The following FAM227A variants were observed in gnomAD, a reference collection of about 807,000 sequenced individuals.
FAM227A encodes the protein family with sequence similarity 227 member A.
A neutral mutation model predicts 74.7 loss-of-function variants in FAM227A; 80 were observed. The observed-to-expected ratio is 1.07, with a 90% confidence interval of 0.89 to 1.29. FAM227A has a LOEUF of 1.29. Among genes scored for constraint, FAM227A ranks in the 50% most tolerant of loss-of-function variants. The probability of loss-of-function intolerance (pLI) is 0.00; values close to 1 mark genes in which losing one functional copy is unlikely to be tolerated. For synonymous variants in FAM227A, 237 were observed against 241.8 expected (o/e 0.98, Z 0.19); for missense variants, 654 against 683.4 (o/e 0.96, Z 0.48).
intron 11 of FAM227A, among the ~76,000 whole-genome samples, chr22:38,617,080 T>G (rs1271581117): frequency 6.6e-6 from 1 of 151,614 alleles, no homozygotes; most frequent in Non-Finnish European, 1.5e-5. Context: ...GTTTCGAAGG[T>G]GGGAGAATCT....
At chr22:38,616,941 G>A (rs993851158) in intron 11 of FAM227A, among the ~76,000 whole-genome samples, 1 of 152,074 alleles carries the variant, frequency 6.6e-6, no homozygotes, top group African/African-American at 2.4e-5. Context: ...GTGCAGAGGG[G>A]GGCAGGCTGT....
intron 1 of FAM227A, among the ~76,000 whole-genome samples, chr22:38,652,385 G>A (rs1417194556): frequency 6.6e-6 from 1 of 151,754 alleles, no homozygotes; most frequent in African/African-American, 2.4e-5. Context: ...TCAGGAGATC[G>A]AGACCATCTG....
At position 38,599,889 on chromosome 22, in the gene FAM227A, A is replaced by C. The variant is rs1275838330; in HGVS notation, c.1254T>G (p.Thr418=). The C allele has an allele frequency of 8.8e-5, 137 of 1,551,356 alleles. No individual in the cohort carries two copies. The highest frequency in any genetic ancestry group is 1.2e-4 in the Non-Finnish European group (136 of 1,146,838). ...SCAACKSPEL[T]SNLFNIYGKS... The stretch of plus-strand genomic sequence containing the variant: ...TCCCATAAATGTTGAAGAGGTTTGA[A>C]GTCAGCTCAGGGCTTTTGCAGGCAG... The change falls in exon 14 of 17, where the codon ACT becomes ACG. Residue 418 remains threonine (T), a synonymous_variant. Coordinates refer to ENST00000535113, the MANE Select transcript of FAM227A (RefSeq NM_001013647.2).
In FAM227A at chr22:38,645,252, A is replaced by G. The variant is rs144591274; in HGVS notation, c.225+311T>C. On this transcript the variant is annotated intron_variant, in intron 3 of 16. Coordinates refer to ENST00000535113, the MANE Select transcript of FAM227A (RefSeq NM_001013647.2). ...TAAAAAATACAAAAATTAGCTGGGC[A>G]TGGTGGCACGCACCTGTAGTCCCAG... 1.0e-2 allele frequency among the ~76,000 whole-genome samples: 1,519 copies of G among 151,976 alleles called. 31 individuals carry two copies. The highest frequency in any genetic ancestry group is 0.035 in the African/African-American group (1,433 of 41,410).
At position 38,586,208 on chromosome 22, in the gene FAM227A, G is replaced by A. The variant is rs750328801; in HGVS notation, c.1639-9C>T. 10 of 1,544,114 alleles carry A rather than the reference G, an allele frequency of 6.5e-6. No homozygotes were observed. The East Asian group carries it at 2.0e-4, about 30-fold the overall frequency. ...TCTCCTCCTTTCCCCTCCTGTGGGG[G>A]AAACAAACGAACAAAAACAAAAATT... On this transcript the variant is annotated splice_polypyrimidine_tract_variant and intron_variant, in intron 16 of 16. Transcript: ENST00000535113.
At chr22:38,591,577 G>T (rs767720273) in intron 15 of FAM227A, 37 bp from the exon 16 acceptor site, 31 of 1,442,014 alleles carry the variant, frequency 2.1e-5, no homozygotes, top group Non-Finnish European at 2.7e-5. Context: ...GAAAAAGGCT[G>T]GAGTGATTAA....
Position 38,628,260 on chromosome 22 carries a change from T to C in FAM227A, c.704A>G (p.His235Arg). 3 of 1,550,108 alleles carry C rather than the reference T, an allele frequency of 1.9e-6. No individual in the cohort carries two copies. The highest frequency in any genetic ancestry group is 1.7e-6 in the Non-Finnish European group (2 of 1,145,674). ...CACTTTTAAGAGCGCCTCTTCAGAG[T>C]GGGACTTGGGTACACGAAACAAAAG... ...ALLLFRVPKS[H>R]SEEALLKRLP... The change falls in exon 8 of 17, where the codon CAC becomes CGC. Residue 235 changes from histidine to arginine, a missense_variant. Transcript: ENST00000535113.
chr22:38,613,123 T>A (rs1272635019), intron 11 of FAM227A, among the ~76,000 whole-genome samples: 1 of 93,774 alleles, frequency 1.1e-5, no homozygotes, highest in Non-Finnish European at 1.9e-5. Flanking sequence ...ATATTATATA[T>A]AATTATATAT....
At chr22:38,615,919 G>A (rs1383734820) in intron 11 of FAM227A, among the ~76,000 whole-genome samples, 60 of 152,108 alleles carry the variant, frequency 3.9e-4, no homozygotes, top group African/African-American at 1.4e-3. Flanking sequence ...CCTGGATTGA[G>A]GTTCCTCAAA....
In FAM227A at chr22:38,626,174, T is replaced by G. The variant is rs188087924; in HGVS notation, c.850+6A>C. ...CTTTCCCCGGTGGAAAAAAGTCACC[T>G]CTCACCTGAAATCCACAGGCTCATT... On this transcript the variant is annotated splice_donor_region_variant and intron_variant, in intron 9 of 16. Coordinates refer to ENST00000535113, the MANE Select transcript of FAM227A (RefSeq NM_001013647.2). 3,228 of 1,550,978 alleles carry G rather than the reference T, an allele frequency of 2.1e-3. 4 individuals carry two copies. Among genetic ancestry groups the G allele is most frequent in the Admixed American group, 5.9e-3 (300 of 50,838 alleles).
At chr22:38,598,054 A>AAAAAAG (rs1198737003) in intron 14 of FAM227A, among the ~76,000 whole-genome samples, 2 of 151,688 alleles carry the variant, frequency 1.3e-5, no homozygotes, top group East Asian at 1.9e-4. Context: ...AAAAAAAAAA[A>AAAAAAG]AAAAAAGAAA....
chr22:38,639,507 C>T, intron 4 of FAM227A, 148 bp downstream of exon 4: 2 of 794,334 alleles, frequency 2.5e-6, no homozygotes, highest in East Asian at 2.7e-5. Flanking sequence ...CTTCCTTGCC[C>T]AATGTCAAGA....
At chr22:38,613,985 T>TC (rs1224578187) in intron 11 of FAM227A, among the ~76,000 whole-genome samples, 5 of 152,054 alleles carry the variant, frequency 3.3e-5, no homozygotes, top group African/African-American at 4.8e-5. Flanking sequence ...GATGCCTCAG[T>TC]CCCCCAAGTA....
intron 12 of FAM227A, among the ~76,000 whole-genome samples, chr22:38,606,295 T>C (rs1046941576): frequency 6.6e-6 from 1 of 152,124 alleles, no homozygotes. Context: ...ACCTCCTGAG[T>C]AGCTCAGACT....
At chr22:38,615,445 G>A (rs2091555680) in intron 11 of FAM227A, among the ~76,000 whole-genome samples, 1 of 152,234 alleles carries the variant, frequency 6.6e-6, no homozygotes, top group Non-Finnish European at 1.5e-5. Context: ...GTCAGGGACA[G>A]CTTCTCTAGG....
rs1247564882 is a variant in FAM227A at position 38,579,255 on chromosome 22, C to T, written c.*6870G>A. ...ATTTAACCTCTCTGTGCCTGAGTTT[C>T]GGTATCTGAAAACCAAGAATAATAT... On this transcript the variant is annotated 3_prime_UTR_variant, in exon 17 of 17. Transcript: ENST00000535113. 4 of 152,100 alleles carry T rather than the reference C, an allele frequency of 2.6e-5. No homozygotes were observed. Among genetic ancestry groups the T allele is most frequent in the South Asian group, 2.1e-4 (1 of 4,822 alleles). The allele number at this position is 152,100 out of a possible 1,614,324, so 9.4% of individuals were successfully genotyped here. A position where few individuals can be genotyped will look rare whatever the true frequency, so the allele number is the denominator to read the frequency against.
At chr22:38,614,526 C>T (rs1276961638) in intron 11 of FAM227A, among the ~76,000 whole-genome samples, 1 of 152,160 alleles carries the variant, frequency 6.6e-6, no homozygotes, top group African/African-American at 2.4e-5. Context: ...CTCAGACAGA[C>T]TACTGCCATT....
At chr22:38,630,905 C>A (rs768387053) in intron 6 of FAM227A, among the ~76,000 whole-genome samples, 1 of 152,220 alleles carries the variant, frequency 6.6e-6, no homozygotes, top group Non-Finnish European at 1.5e-5. Context: ...CAGTGGCTCA[C>A]GCCTGTAATC....
At chr22:38,615,810 G>A (rs1407868004) in intron 11 of FAM227A, among the ~76,000 whole-genome samples, 1 of 152,200 alleles carries the variant, frequency 6.6e-6, no homozygotes, top group Admixed American at 6.5e-5. Context: ...TGGAGGCTGG[G>A]TTGGTGCTAC....
Sources: allele counts gnomAD v4.1 joint callset (sites outside exome capture counted in the v4.1 genomes callset), GRCh38; gene constraint gnomAD v4.1.1; transcripts MANE v1.5; gene names NCBI Gene and HGNC (gene_info 2026-07-23, HGNC 2026-07-21).